The following CDH4 variants were observed in gnomAD, a reference collection of about 807,000 sequenced individuals.
CDH4 encodes the protein cadherin-4.
CDH4 carries 33 observed loss-of-function variants against 86.0 expected under a neutral mutation model. The observed-to-expected ratio is 0.38, with a 90% CI of 0.29 to 0.51. The LOEUF (loss-of-function observed/expected upper bound fraction) is 0.51, where lower values mean the gene tolerates loss of function less well. Among genes scored for constraint, CDH4 ranks in the 20% least tolerant of loss-of-function variants. The pLI is 0.86. For missense variants in CDH4, 1,114 were observed against 1,307.4 expected, an observed-to-expected ratio of 0.85 and a Z score of 2.28; for synonymous variants, 555 against 549.4, an observed-to-expected ratio of 1.01 and a Z score of -0.14.
At chr20:61,608,828 G>A (rs2086663656) in intron 2 of CDH4, among the ~76,000 whole-genome samples, 1 of 152,168 alleles carries the variant, frequency 6.6e-6, no homozygotes, top group Non-Finnish European at 1.5e-5. Context: ...ACGCGGGGTG[G>A]TGAGCACGAC....
At chr20:61,322,267 A>C (rs528295797) in intron 2 of CDH4, among the ~76,000 whole-genome samples, 1 of 152,160 alleles carries the variant, frequency 6.6e-6, no homozygotes, top group Non-Finnish European at 1.5e-5. Context: ...CCCCACATAC[A>C]CAGGAGAGGG....
chr20:61,490,725 T>C (rs569194265), intron 2 of CDH4, among the ~76,000 whole-genome samples: 1 of 152,058 alleles, frequency 6.6e-6, no homozygotes, highest in South Asian at 2.1e-4. Context: ...AGTGTTTGCC[T>C]CTGGCAGTGG....
chr20:61,777,788 A>G (rs2088862325), intron 4 of CDH4, among the ~76,000 whole-genome samples: 1 of 151,328 alleles, frequency 6.6e-6, no homozygotes, highest in Admixed American at 6.6e-5. Context: ...ACACATCCAC[A>G]TGCGCACACA....
intron 2 of CDH4, among the ~76,000 whole-genome samples, chr20:61,553,376 T>C (rs2086149319): frequency 6.6e-6 from 1 of 152,252 alleles, no homozygotes; most frequent in Admixed American, 6.5e-5. Flanking sequence ...TCGTGCAACC[T>C]TGTGACTCTA....
chr20:61,459,065 T>C (rs544115880), intron 2 of CDH4, among the ~76,000 whole-genome samples: 73 of 151,926 alleles, frequency 4.8e-4, no homozygotes, highest in African/African-American at 1.6e-3. Flanking sequence ...CCTGGCTGTC[T>C]CCTTTTTTAG....
intron 2 of CDH4, among the ~76,000 whole-genome samples, chr20:61,441,911 T>C (rs2427099): frequency 0.43 from 64,912 of 152,024 alleles, 14,211 homozygotes; most frequent in East Asian, 0.53. Context: ...CCAGGTTCTC[T>C]CCAACCCTTC....
rs1458021142 is a variant in CDH4 at position 61,393,350 on chromosome 20, G to A, written c.169+138413G>A. On this transcript the variant is annotated intron_variant, in intron 2 of 15. Transcript: ENST00000614565. This position sits in a 1 kb window ranked among gnomAD's most constrained non-coding sequence, Gnocchi z 4.3. ...GTGTGGGGGACAGCAGCCGGGGGGG[G>A]CCGGGGTCTTCCTTACCTCCTAGCT... Among the ~76,000 whole-genome samples, 1 of 152,100 alleles carries A rather than the reference G, an allele frequency of 6.6e-6. No homozygotes were observed. The highest frequency in any genetic ancestry group is 1.5e-5 in the Non-Finnish European group (1 of 68,012).
chr20:61,286,824 T>G (rs983914039), intron 2 of CDH4, among the ~76,000 whole-genome samples: 1 of 152,130 alleles, frequency 6.6e-6, no homozygotes, highest in Non-Finnish European at 1.5e-5. Context: ...TCTGGGACTT[T>G]GTTTGTTTGT....
chr20:61,526,655 C>T (rs1385432242), intron 2 of CDH4, among the ~76,000 whole-genome samples: 2 of 123,998 alleles, frequency 1.6e-5, no homozygotes, highest in African/African-American at 6.1e-5. Flanking sequence ...CCCCTCCCCC[C>T]ACCCCATCCC....
At chr20:61,891,119 T>G in intron 7 of CDH4, among the ~76,000 whole-genome samples, 1 of 151,438 alleles carries the variant, frequency 6.6e-6, no homozygotes, top group African/African-American at 2.4e-5. Flanking sequence ...GGATAGGAGG[T>G]GTGGGGTGCA....
At chr20:61,577,528 T>C (rs2145714465) in intron 2 of CDH4, among the ~76,000 whole-genome samples, 1 of 152,342 alleles carries the variant, frequency 6.6e-6, no homozygotes, top group Non-Finnish European at 1.5e-5. Context: ...TTTTTCATGT[T>C]GAAGGGTCTG....
intron 2 of CDH4, among the ~76,000 whole-genome samples, chr20:61,720,491 G>A (rs2088026039): frequency 6.7e-6 from 1 of 149,816 alleles, no homozygotes; most frequent in Non-Finnish European, 1.5e-5. Flanking sequence ...AGGGGTGTAG[G>A]GGTGCAGGGA....
intron 2 of CDH4, among the ~76,000 whole-genome samples, chr20:61,615,600 A>T (rs145180708): frequency 2.1e-4 from 32 of 152,322 alleles, no homozygotes; most frequent in African/African-American, 7.7e-4. Flanking sequence ...TGTGACTCTG[A>T]TGATTCAGGA....
intron 2 of CDH4, among the ~76,000 whole-genome samples, chr20:61,621,764 T>C (rs978495826): frequency 6.6e-6 from 1 of 152,242 alleles, no homozygotes; most frequent in African/African-American, 2.4e-5. Flanking sequence ...TAATATTTAA[T>C]TCAGATTGTT....
chr20:61,786,451 G>T (rs889386534), intron 4 of CDH4, among the ~76,000 whole-genome samples: 1 of 152,078 alleles, frequency 6.6e-6, no homozygotes, highest in Non-Finnish European at 1.5e-5. Flanking sequence ...CAATCATTTT[G>T]GACTCTACTG....
intron 2 of CDH4, among the ~76,000 whole-genome samples, chr20:61,476,692 A>C (rs536644808): frequency 2.6e-5 from 4 of 152,362 alleles, no homozygotes; most frequent in African/African-American, 7.2e-5. Flanking sequence ...AGGCTGGGCG[A>C]GACCAGCCAG....
intron 2 of CDH4, among the ~76,000 whole-genome samples, chr20:61,658,515 C>T (rs898617587): frequency 1.3e-5 from 2 of 152,154 alleles, no homozygotes; most frequent in East Asian, 3.9e-4. Flanking sequence ...GGTAGGACCC[C>T]GGGAGCCTGC....
At chr20:61,929,514 T>A in intron 12 of CDH4, 95 bp from the exon 13 acceptor site, 1 of 872,944 alleles carries the variant, frequency 1.1e-6, no homozygotes, top group Non-Finnish European at 1.9e-6. Context: ...ATTTCAGATT[T>A]CCATGCCATC....
Position 61,847,816 on chromosome 20 carries a change from G to A in CDH4, c.732+2993G>A, listed in dbSNP as rs1982527430. Among the ~76,000 whole-genome samples the A allele has an allele frequency of 2.0e-5, 3 of 152,050 alleles. No homozygotes were observed. In the South Asian group the frequency reaches 6.2e-4, roughly 32 times the overall value. The stretch of plus-strand genomic sequence containing the variant: ...AGAGAGAGAGGGACGGAGGTGCCAA[G>A]CTCTTTAAACAACAGGCCCTGGAGT... On this transcript the variant is annotated intron_variant, in intron 5 of 15. Coordinates refer to ENST00000614565, the MANE Select transcript of CDH4 (RefSeq NM_001794.5).
Sources: allele counts gnomAD v4.1 joint callset (sites outside exome capture counted in the v4.1 genomes callset), GRCh38; gene constraint gnomAD v4.1.1; non-coding constraint Gnocchi (gnomAD v3.1); transcripts MANE v1.5; gene names NCBI Gene and HGNC (gene_info 2026-07-23, HGNC 2026-07-21).